PRRT1: variants seen among roughly 807,000 people sequenced by gnomAD.
PRRT1 encodes proline rich transmembrane protein 1.
PRRT1 carries 8 observed loss-of-function variants against 22.6 expected under a neutral mutation model. The observed-to-expected ratio is 0.35, with a 90% CI of 0.21 to 0.64. The LOEUF (loss-of-function observed/expected upper bound fraction) is 0.64. Ranked by LOEUF, PRRT1 falls within the 30% of genes least tolerant of loss-of-function variation. The pLI, the probability that PRRT1 is intolerant of heterozygous loss-of-function variation, is 0.69. For synonymous variants in PRRT1, 176 were observed against 203.6 expected (o/e 0.86, Z 1.15); for missense variants, 315 against 444.5 (o/e 0.71, Z 2.62).
At chr6:32,151,318 CAT>C (rs1351773344) in intron 1 of PRRT1, 4 of 443,958 alleles carry the variant, frequency 9.0e-6, no homozygotes, top group South Asian at 8.9e-5. Flanking sequence ...TGTATAAACA[CAT>C]GTGGGATGAC....
Position 32,150,981 on chromosome 6 carries a change from A to AC in PRRT1, c.20-76dup, listed in dbSNP as rs1743097319. The AC allele has an allele frequency of 8.5e-7, 1 of 1,179,946 alleles. No homozygotes were observed. Among genetic ancestry groups the AC allele is most frequent in the Non-Finnish European group, 1.2e-6 (1 of 819,832 alleles). The allele number at this position is 1,179,946 out of a possible 1,614,324, so 73.1% of individuals were successfully genotyped here. A position where few individuals can be genotyped will look rare whatever the true frequency, so the allele number is the denominator to read the frequency against. On this transcript the variant is annotated intron_variant, in intron 1 of 3. Coordinates refer to ENST00000211413, the MANE Select transcript of PRRT1 (RefSeq NM_030651.4). The surrounding 1 kb of genome is among the most constrained non-coding windows in gnomAD (Gnocchi z 7.2). The stretch of plus-strand genomic sequence containing the variant: ...TGAGTTGAGGAGGGGGTAAGGGGAA[A>AC]CACAGCCGGTCAGGGATGGAGAAAG...
At chr6:32,152,096 C>A (rs1291586889), upstream of PRRT1, 3 of 701,942 alleles carry the variant, frequency 4.3e-6, no homozygotes, top group Admixed American at 2.0e-5. Context: ...TCCTCTTACC[C>A]CGGCATTCAA....
At chr6:32,151,774 G>A in intron 1 of PRRT1, 35 bp downstream of exon 1, 2 of 1,548,820 alleles carry the variant, frequency 1.3e-6, no homozygotes, top group South Asian at 2.2e-5. Flanking sequence ...TCTGGAGACA[G>A]TGGAGGGGGT....
intron 1 of PRRT1, chr6:32,151,152 C>G (rs1012338520): frequency 4.3e-6 from 3 of 691,106 alleles, no homozygotes; most frequent in African/African-American, 3.5e-5. Context: ...TGCTTCTTTT[C>G]TGTCTTTTTC....
At position 32,148,462 on chromosome 6, in the gene PRRT1, T is replaced by G; in HGVS notation, c.*760A>C. 1 of 262,978 alleles carries G rather than the reference T, an allele frequency of 3.8e-6. No individual in the cohort carries two copies. The highest frequency in any genetic ancestry group is 7.7e-6 in the Non-Finnish European group (1 of 130,456). The allele number at this position is 262,978 out of a possible 1,614,324, so 16.3% of individuals were successfully genotyped here. ...GCCGAGGGGAGCGGGGAGCGGGGACTTGGGAGGTCCATAGCCTGGATTCCC... is the reference window on the plus strand; with the variant it reads ...GCCGAGGGGAGCGGGGAGCGGGGACGTGGGAGGTCCATAGCCTGGATTCCC... On this transcript the variant is annotated 3_prime_UTR_variant, in exon 4 of 4. Coordinates refer to ENST00000211413, the MANE Select transcript of PRRT1 (RefSeq NM_030651.4). This position sits in a 1 kb window ranked among gnomAD's most constrained non-coding sequence, Gnocchi z 5.7.
At chr6:32,151,951 C>CGGGGGGGGGGGGAGGGGGGGGGGGG, upstream of PRRT1, 1 of 214,888 alleles carries the variant, frequency 4.7e-6, no homozygotes, top group Non-Finnish European at 8.4e-6. Context: ...AAGGCAGCGG[C>CGGGGGGGGGGGGAGGGGGGGGGGGG]GGGGGGGGGG....
chr6:32,149,210 C>A lies in PRRT1; in HGVS notation c.*12G>T, dbSNP rs1236924923. The A allele has an allele frequency of 6.2e-7, 1 of 1,610,910 alleles. No homozygotes were observed. Among genetic ancestry groups the A allele is most frequent in the Non-Finnish European group, 8.5e-7 (1 of 1,179,492 alleles). Reference sequence around the variant, plus strand: ...TCGAGGGGCGCAGAGTGGGGCCGGACCAGGGGCGTTTTTAGGGATCCCAGT... The same window carrying A: ...TCGAGGGGCGCAGAGTGGGGCCGGAACAGGGGCGTTTTTAGGGATCCCAGT... On this transcript the variant is annotated 3_prime_UTR_variant, in exon 4 of 4. Coordinates refer to ENST00000211413, the MANE Select transcript of PRRT1 (RefSeq NM_030651.4). The surrounding 1 kb of genome is among the most constrained non-coding windows in gnomAD (Gnocchi z 8.7).
rs188380258 is a variant in PRRT1 at position 32,150,117 on chromosome 6, C to T, written c.558+251G>A. ...CCCCCGCCAGGCGGTTTCCTACTTT[C>T]AGACCTCCTCTGAACCTCTAGGCTC... On this transcript the variant is annotated intron_variant, in intron 2 of 3. Transcript: ENST00000211413. The surrounding 1 kb of genome is among the most constrained non-coding windows in gnomAD (Gnocchi z 7.2). Among the ~76,000 whole-genome samples, 1 of 151,988 alleles carries T rather than the reference C, an allele frequency of 6.6e-6. No individual in the cohort carries two copies. The highest frequency in any genetic ancestry group is 6.6e-5 in the Admixed American group (1 of 15,264).
rs1376766305 is a variant in PRRT1 at position 32,150,529 on chromosome 6, G to T, written c.397C>A (p.Pro133Thr). The change falls in exon 2 of 4, where the codon CCC becomes ACC. Residue 133 changes from proline to threonine, a missense_variant. This residue lies in a region of PRRT1 where 263 missense variants were observed against 328.5 expected (regional missense o/e 0.80). Coordinates refer to ENST00000211413, the MANE Select transcript of PRRT1 (RefSeq NM_030651.4). This position sits in a 1 kb window ranked among gnomAD's most constrained non-coding sequence, Gnocchi z 7.2. ...PPPPPAAAAP[P>T]PPAPAQTAQA... The stretch of plus-strand genomic sequence containing the variant: ...GCAGTCTGGGCTGGCGCCGGCGGGG[G>T]CGGGGCGGCGGCAGCGGGCGGCGGC... 1 of 1,372,068 alleles carries T rather than the reference G, an allele frequency of 7.3e-7. No homozygotes were observed. 85.0% of individuals were successfully genotyped at this position (1,372,068 alleles called of 1,614,324 possible).
rs1409131143 is a variant in PRRT1, at chr6:32,150,133, C to T, written c.558+235G>A. On this transcript the variant is annotated intron_variant, in intron 2 of 3. Coordinates refer to ENST00000211413, the MANE Select transcript of PRRT1 (RefSeq NM_030651.4). The surrounding 1 kb of genome is among the most constrained non-coding windows in gnomAD (Gnocchi z 7.2). ...TCCTACTTTCAGACCTCCTCTGAACCTCTAGGCTCCGATCCCCCTCCCAGG... is the reference window on the plus strand; with the variant it reads ...TCCTACTTTCAGACCTCCTCTGAACTTCTAGGCTCCGATCCCCCTCCCAGG... 1.3e-5 allele frequency among the ~76,000 whole-genome samples: 2 copies of T among 152,050 alleles called. No homozygotes were observed. Among genetic ancestry groups the T allele is most frequent in the African/African-American group, 2.4e-5 (1 of 41,394 alleles).
chr6:32,149,325 AAGG>A lies in PRRT1; in HGVS notation c.815_817del (p.Ser272del), dbSNP rs1783131257. ...CGCGATGCCCACGGCCAGGGAGATG[AAGG>A]AGAAGTTCCGGGCCTCGCGTGAAGC... On this transcript the variant is annotated inframe_deletion, in exon 4 of 4. Coordinates refer to ENST00000211413, the MANE Select transcript of PRRT1 (RefSeq NM_030651.4). The surrounding 1 kb of genome is among the most constrained non-coding windows in gnomAD (Gnocchi z 8.7). The A allele has an allele frequency of 1.2e-6, 2 of 1,609,870 alleles. No individual in the cohort carries two copies. The highest frequency in any genetic ancestry group is 1.7e-6 in the Non-Finnish European group (2 of 1,178,398).
chr6:32,151,780 G>C (rs765819616), intron 1 of PRRT1, 29 bp downstream of exon 1: 6 of 1,575,454 alleles, frequency 3.8e-6, no homozygotes, highest in Non-Finnish European at 5.2e-6. Flanking sequence ...GACAGTGGAG[G>C]GGGTGGGAGG....
At position 32,150,435 on chromosome 6, in the gene PRRT1, A is replaced by T; in HGVS notation, c.491T>A (p.Val164Glu). Reference protein sequence around the residue: ...TVGTLPLGGYVAPGYPLQLQP... With the variant: ...TVGTLPLGGYEAPGYPLQLQP... Reference sequence around the variant, plus strand: ...CAGCTGCAGGGGGTATCCGGGCGCTACGTAGCCCCCCAGCGGCAGCGTGCC... The same window carrying T: ...CAGCTGCAGGGGGTATCCGGGCGCTTCGTAGCCCCCCAGCGGCAGCGTGCC... The change falls in exon 2 of 4, where the codon GTA (valine) becomes GAA (glutamate). Residue 164 changes from valine to glutamate, a missense_variant. Val to Glu is a moderately radical substitution (Grantham distance 121, BLOSUM62 -2). Transcript: ENST00000211413. The surrounding 1 kb of genome is among the most constrained non-coding windows in gnomAD (Gnocchi z 7.2). 1 of 1,527,858 alleles carries T rather than the reference A, an allele frequency of 6.5e-7. No homozygotes were observed. 94.6% of individuals were successfully genotyped at this position (1,527,858 alleles called of 1,614,324 possible).
intron 1 of PRRT1, chr6:32,151,170 T>C (rs2127379061): frequency 8.8e-6 from 6 of 684,730 alleles, no homozygotes. Context: ...TTCATCACCA[T>C]GCACCCAGCT....
At position 32,150,501 on chromosome 6, in the gene PRRT1, T is replaced by G. The variant is rs201121704; in HGVS notation, c.425A>C (p.Gln142Pro). 9.9e-4 allele frequency: 1,427 copies of G among 1,439,844 alleles called. 1 individual carries two copies. Among genetic ancestry groups the G allele is most frequent in the Admixed American group, 2.4e-3 (76 of 31,528 alleles). 89.2% of individuals were successfully genotyped at this position (1,439,844 alleles called of 1,614,324 possible). ...PPPPAPAQTA[Q>P]APGFVVPTHA... ...CGTGGGCACCACGAAGCCAGGGGCC[T>G]GGGCAGTCTGGGCTGGCGCCGGCGG... Residue 142 changes from glutamine to proline, a missense_variant, in exon 2 of 4, where the codon CAG becomes CCG. Transcript: ENST00000211413. This position sits in a 1 kb window ranked among gnomAD's most constrained non-coding sequence, Gnocchi z 7.2.
At position 32,149,015 on chromosome 6, in the gene PRRT1, G is replaced by A; in HGVS notation, c.*207C>T. ...GGATCCCGGAAAGCGGCGTCCCTGG[G>A]GGTGTGGGTTTTGGAGGGGTTCCTG... On this transcript the variant is annotated 3_prime_UTR_variant, in exon 4 of 4. Coordinates refer to ENST00000211413, the MANE Select transcript of PRRT1 (RefSeq NM_030651.4). The surrounding 1 kb of genome is among the most constrained non-coding windows in gnomAD (Gnocchi z 8.7). 1.4e-6 allele frequency: 1 copy of A among 719,018 alleles called. No individual in the cohort carries two copies. The highest frequency in any genetic ancestry group is 2.5e-6 in the Non-Finnish European group (1 of 399,616). The allele number at this position is 719,018 out of a possible 1,614,324, so 44.5% of individuals were successfully genotyped here. A position where few individuals can be genotyped will look rare whatever the true frequency, so the allele number is the denominator to read the frequency against.
chr6:32,151,221 C>T (rs1783253636), intron 1 of PRRT1: 4 of 619,842 alleles, frequency 6.5e-6, no homozygotes, highest in Non-Finnish European at 5.8e-6. Context: ...GCTATAGCTG[C>T]CTTTGGGCTG....
upstream of PRRT1, chr6:32,151,987 G>A: frequency 4.9e-6 from 1 of 205,866 alleles, no homozygotes; most frequent in Non-Finnish European, 9.9e-6. Context: ...CGGAGGGAGA[G>A]CGGGGAGGGG....
chr6:32,150,729 G>C lies in PRRT1; in HGVS notation c.197C>G (p.Ser66Cys), dbSNP rs1011889307. The change falls in exon 2 of 4, where the codon TCT becomes TGT. Residue 66 changes from serine to cysteine, a missense_variant. By Grantham distance (112) the Ser-to-Cys change is moderately radical. Transcript: ENST00000211413. The surrounding 1 kb of genome is among the most constrained non-coding windows in gnomAD (Gnocchi z 7.2). The stretch of plus-strand genomic sequence containing the variant: ...ACCGCGCTGAGCGGTGGCCGCGGAA[G>C]AGGCCAGGCCCCCTGCCCCTAAGCG... ...LPRLGAGGLASSAATAQRGPS... is the reference protein window; with the variant it reads ...LPRLGAGGLACSAATAQRGPS... 2.0e-6 allele frequency: 3 copies of C among 1,492,698 alleles called. No individual in the cohort carries two copies. Among genetic ancestry groups the C allele is most frequent in the Non-Finnish European group, 1.8e-6 (2 of 1,121,484 alleles). The allele number at this position is 1,492,698 out of a possible 1,614,324, so 92.5% of individuals were successfully genotyped here.
Sources: allele counts gnomAD v4.1 joint callset (sites outside exome capture counted in the v4.1 genomes callset), GRCh38; gene constraint gnomAD v4.1.1; regional missense constraint gnomAD v4.1.1; non-coding constraint Gnocchi (gnomAD v3.1); transcripts MANE v1.5; gene names NCBI Gene and HGNC (gene_info 2026-07-23, HGNC 2026-07-21).